The following SERPINC1 variants were observed in gnomAD, a reference collection of about 807,000 sequenced individuals.
SERPINC1 encodes antithrombin-III.
In SERPINC1, 12 loss-of-function variants were observed where a neutral mutation model predicts 43.4. The ratio of observed to expected loss-of-function variants is 0.28; its 90% CI spans 0.18 to 0.45. The LOEUF (loss-of-function observed/expected upper bound fraction) is 0.45, where lower values mean the gene tolerates loss of function less well. Among genes scored for constraint, SERPINC1 ranks in the 20% least tolerant of loss-of-function variants. The pLI is 1.00. For synonymous variants in SERPINC1, 210 were observed against 218.9 expected (o/e 0.96, Z 0.36); for missense variants, 423 against 578.8 (o/e 0.73, Z 2.76).
At chr1:173,908,021 A>AATAATAAT (rs1657602421) in intron 5 of SERPINC1, among the ~76,000 whole-genome samples, 1 of 147,942 alleles carries the variant, frequency 6.8e-6, no homozygotes, top group South Asian at 2.1e-4. Flanking sequence ...TAATAATAAT[A>AATAATAAT]ATAATAAAAG....
intron 6 of SERPINC1, among the ~76,000 whole-genome samples, chr1:173,905,751 C>T (rs984903760): frequency 2.0e-5 from 3 of 152,076 alleles, no homozygotes; most frequent in East Asian, 1.9e-4. Flanking sequence ...TTAGGAGACC[C>T]GTTCAACACC....
chr1:173,909,859 A>T lies in SERPINC1; in HGVS notation c.846T>A (p.Ser282=). 1 of 1,613,912 alleles carries T rather than the reference A, an allele frequency of 6.2e-7. No individual in the cohort carries two copies. The highest frequency in any genetic ancestry group is 1.1e-5 in the South Asian group (1 of 91,056). The change falls in exon 5 of 7, where the codon TCT becomes TCA. Residue 282 remains serine, a synonymous_variant. Coordinates refer to ENST00000367698, the MANE Select transcript of SERPINC1 (RefSeq NM_000488.4). ...GGAACTTGCCTTCCTGGTACATCATAGATGCTGAACACGACTCTCCATCAG... is the reference window on the plus strand; with the variant it reads ...GGAACTTGCCTTCCTGGTACATCATTGATGCTGAACACGACTCTCCATCAG... ...YKADGESCSA[S]MMYQEGKFRY... is the part of the protein sequence containing the mutation.
At chr1:173,915,893 T>G (rs1366369874) in intron 1 of SERPINC1, among the ~76,000 whole-genome samples, 1 of 152,156 alleles carries the variant, frequency 6.6e-6, no homozygotes, top group Non-Finnish European at 1.5e-5. Flanking sequence ...CTCCTGTGAG[T>G]GGGCTCAGTG....
intron 6 of SERPINC1, among the ~76,000 whole-genome samples, chr1:173,904,610 A>G (rs1657410903): frequency 6.6e-6 from 1 of 152,208 alleles, no homozygotes; most frequent in East Asian, 1.9e-4. Context: ...AAGCAGATCT[A>G]GAGGGAAACA....
intron 6 of SERPINC1, among the ~76,000 whole-genome samples, chr1:173,905,508 T>C (rs989423534): frequency 6.6e-6 from 1 of 152,082 alleles, no homozygotes; most frequent in Non-Finnish European, 1.5e-5. Context: ...TCACTTAAGG[T>C]CAGGAGTTTG....
intron 6 of SERPINC1, among the ~76,000 whole-genome samples, chr1:173,905,021 C>G (rs1034050428): frequency 6.6e-6 from 1 of 152,118 alleles, no homozygotes; most frequent in Admixed American, 6.5e-5. Context: ...ATATTGTGTA[C>G]TGGGCTCAGG....
rs773814831 is a variant in SERPINC1 at position 173,910,822 on chromosome 1, C to T, written c.694G>A (p.Asp232Asn). Residue 232 changes from aspartate (D) to asparagine (N), a missense_variant, in exon 4 of 7, where the codon GAT (aspartate) becomes AAT (asparagine). By Grantham distance (23) the Asp-to-Asn change is conservative. Coordinates refer to ENST00000367698, the MANE Select transcript of SERPINC1 (RefSeq NM_000488.4). The stretch of plus-strand genomic sequence containing the variant: ...TTGATGGCTTCCGAGGGAATGACAT[C>T]GGTGATTCGGCCTTCGGTCTTATTG... ...VSNKTEGRIT[D>N]VIPSEAINEL... 7.4e-6 allele frequency: 12 copies of T among 1,613,886 alleles called. No individual in the cohort carries two copies. The highest frequency in any genetic ancestry group is 6.7e-5 in the African/African-American group (5 of 74,906).
rs1349259804 is a variant in SERPINC1 at position 173,911,769 on chromosome 1, C to T, written c.624+30G>A. On this transcript the variant is annotated intron_variant, in intron 3 of 6. Coordinates refer to ENST00000367698, the MANE Select transcript of SERPINC1 (RefSeq NM_000488.4). Reference sequence around the variant, plus strand: ...AATCTCTGAGTGGAGAGGAAGAACTCGGAGGTCAGGGGTAACATCTGCAAC... The same window carrying T: ...AATCTCTGAGTGGAGAGGAAGAACTTGGAGGTCAGGGGTAACATCTGCAAC... 12 of 1,546,214 alleles carry T rather than the reference C, an allele frequency of 7.8e-6. No individual in the cohort carries two copies. The East Asian group carries it at 9.0e-5, about 12-fold the overall frequency.
At chr1:173,907,422 C>T (rs1657561518) in intron 6 of SERPINC1, 28 bp downstream of exon 6, 2 of 1,560,460 alleles carry the variant, frequency 1.3e-6, no homozygotes. Flanking sequence ...CTTTCTGTAC[C>T]CTAAGAGAGT....
chr1:173,910,044 C>T (rs1161664044), intron 4 of SERPINC1, 102 bp from the exon 5 acceptor site: 29 of 1,198,472 alleles, frequency 2.4e-5, no homozygotes, highest in African/African-American at 6.1e-5. Context: ...TATAATTATT[C>T]GGAAAAAAGA....
chr1:173,914,550 T>C lies in SERPINC1; in HGVS notation c.408+3A>G. 2 of 1,614,020 alleles carry C rather than the reference T, an allele frequency of 1.2e-6. No homozygotes were observed. Among genetic ancestry groups the C allele is most frequent in the Non-Finnish European group, 1.7e-6 (2 of 1,180,044 alleles). On this transcript the variant is annotated splice_donor_region_variant and intron_variant, in intron 2 of 6. Transcript: ENST00000367698. ...TGGCTGGGCAGAAGACCTTTGGTCG[T>C]ACCTCCATCAGTTGCTGGAGGGTGT...
At chr1:173,912,677 A>G (rs749931915) in intron 2 of SERPINC1, among the ~76,000 whole-genome samples, 16 of 152,058 alleles carry the variant, frequency 1.1e-4, no homozygotes, top group Non-Finnish European at 2.1e-4. Context: ...TTTTGCTCCA[A>G]TAGGCACTTT....
At chr1:173,904,099 C>G (rs1410731626) in intron 6 of SERPINC1, 34 bp from the exon 7 acceptor site, 2 of 1,604,796 alleles carry the variant, frequency 1.2e-6, no homozygotes, top group African/African-American at 2.7e-5. Flanking sequence ...ACTAAATTAG[C>G]CACTCTGCCG....
intron 4 of SERPINC1, among the ~76,000 whole-genome samples, chr1:173,910,305 G>A (rs556993335): frequency 4.0e-4 from 61 of 152,278 alleles, no homozygotes; most frequent in South Asian, 1.0e-3. Flanking sequence ...TCTGCCGGGC[G>A]CGGTGGCTCA....
intron 4 of SERPINC1, 46 bp from the exon 5 acceptor site, chr1:173,909,988 T>C (rs1220205430): frequency 1.3e-5 from 20 of 1,589,530 alleles, no homozygotes; most frequent in Non-Finnish European, 1.6e-5. Flanking sequence ...CATAGGAGGA[T>C]AGTTATTGAC....
Position 173,909,834 on chromosome 1 carries a change from G to C in SERPINC1, c.871C>G (p.Arg291Gly), listed in dbSNP as rs764695432. The change falls in exon 5 of 7, where the codon CGT becomes GGT. Residue 291 changes from arginine (R) to glycine (G), a missense_variant. By Grantham distance (125) the Arg-to-Gly change is moderately radical (BLOSUM62 -2). Coordinates refer to ENST00000367698, the MANE Select transcript of SERPINC1 (RefSeq NM_000488.4). The part of the protein sequence containing the change: ...ASMMYQEGKF[R>G]YRRVAEGTQV... ...GTGCCTTCAGCCACGCGCCGATAAC[G>C]GAACTTGCCTTCCTGGTACATCATA... is the stretch of plus-strand genomic sequence containing the variant. 6.2e-7 allele frequency: 1 copy of C among 1,614,034 alleles called. No homozygotes were observed. Among genetic ancestry groups the C allele is most frequent in the East Asian group, 2.2e-5 (1 of 44,864 alleles).
At chr1:173,912,289 T>C (rs899321209) in intron 2 of SERPINC1, among the ~76,000 whole-genome samples, 1 of 152,228 alleles carries the variant, frequency 6.6e-6, no homozygotes, top group African/African-American at 2.4e-5. Context: ...AGACGTTTTC[T>C]TGCTGGAATG....
Position 173,907,405 on chromosome 1 carries a change from G to A in SERPINC1, c.1218+45C>T, listed in dbSNP as rs367854110. 26 of 1,440,496 alleles carry A rather than the reference G, an allele frequency of 1.8e-5. No individual in the cohort carries two copies. In the African/African-American group the frequency reaches 3.2e-4, roughly 18 times the overall value. The allele number at this position is 1,440,496 out of a possible 1,614,324, so 89.2% of individuals were successfully genotyped here. ...TTTTCCACGTGTTCCTGCTGTTCAT[G>A]CATCTCCTTTCTGTACCCTAAGAGA... On this transcript the variant is annotated intron_variant, in intron 6 of 6. Transcript: ENST00000367698.
intron 5 of SERPINC1, among the ~76,000 whole-genome samples, chr1:173,909,165 G>GTAATAATAATAA (rs111676908): frequency 4.6e-4 from 69 of 150,904 alleles, no homozygotes; most frequent in African/African-American, 9.1e-4. Flanking sequence ...TCTGTCTCAA[G>GTAATAATAATAA]TAATAATAAT....
Sources: gnomAD v4.1 joint callset for allele counts (sites outside exome capture counted in the v4.1 genomes callset) on GRCh38, gnomAD v4.1.1 for gene constraint, MANE v1.5 for transcripts, NCBI Gene and HGNC (gene_info 2026-07-23, HGNC 2026-07-21) for gene names.